WDR87: variants seen among roughly 807,000 people sequenced by gnomAD.
The protein encoded by WDR87 is WD repeat domain 87.
WDR87 carries 56 observed loss-of-function variants against 83.3 expected under a neutral mutation model. The ratio of observed to expected loss-of-function variants is 0.67; its 90% CI spans 0.54 to 0.84. WDR87 has a LOEUF of 0.84. Ranked by LOEUF, WDR87 falls within the 40% of genes least tolerant of loss-of-function variation. WDR87 has a pLI of 0.00. For missense variants in WDR87, 2,939 were observed against 3,431.9 expected, an observed-to-expected ratio of 0.86 and a Z score of 3.59; for synonymous variants, 1,173 against 1,250.6, an observed-to-expected ratio of 0.94 and a Z score of 1.31.
intron 1 of WDR87, among the ~76,000 whole-genome samples, chr19:37,901,761 T>G (rs746380332): frequency 7.9e-5 from 12 of 151,948 alleles, no homozygotes; most frequent in Non-Finnish European, 1.5e-4. Flanking sequence ...TTGCCCGGGC[T>G]GGAGTGCAGT....
intron 4 of WDR87, among the ~76,000 whole-genome samples, chr19:37,892,088 A>C (rs2046210407): frequency 6.6e-6 from 1 of 152,204 alleles, no homozygotes; most frequent in Non-Finnish European, 1.5e-5. Flanking sequence ...TAGGAAAAGC[A>C]ATGGAGAAAG....
At chr19:37,899,826 C>A (rs2046282966) in intron 1 of WDR87, among the ~76,000 whole-genome samples, 1 of 152,148 alleles carries the variant, frequency 6.6e-6, no homozygotes, top group Non-Finnish European at 1.5e-5. Context: ...ACTATGCTGT[C>A]CAGGCTGGTC....
In WDR87 at chr19:37,894,146, G is replaced by A; in HGVS notation, c.1557C>T (p.Gly519=). ...LSTLSGGIFG[G]QGNSLLCSYG... is the part of the protein sequence containing the mutation. ...AGGAACAGAGCAGAGAGTTTCCTTG[G>A]CCACCAAAAATCCCTCCAGACAGCG... The change falls in exon 4 of 6, where the codon GGC becomes GGT. Residue 519 remains glycine, a synonymous_variant. Transcript: ENST00000447313. 6.4e-7 allele frequency: 1 copy of A among 1,552,274 alleles called. No homozygotes were observed. The highest frequency in any genetic ancestry group is 8.7e-7 in the Non-Finnish European group (1 of 1,147,124).
At position 37,886,468 on chromosome 19, in the gene WDR87, T is replaced by G; in HGVS notation, c.7203A>C (p.Gly2401=). ...LQEQRRKSLR[G]RERVLSILRG... ...TTAAAATGGAAAGGACTCTTTCCCT[T>G]CCTCTTAGGCTCTTTCTTCTTTGTT... The change falls in exon 6 of 6, where the codon GGA becomes GGC. Residue 2401 remains glycine (G), a synonymous_variant. Transcript: ENST00000447313. 3 of 1,526,274 alleles carry G rather than the reference T, an allele frequency of 2.0e-6. No homozygotes were observed. Among genetic ancestry groups the G allele is most frequent in the Non-Finnish European group, 2.6e-6 (3 of 1,140,448 alleles). 94.5% of individuals were successfully genotyped at this position (1,526,274 alleles called of 1,614,324 possible).
intron 1 of WDR87, among the ~76,000 whole-genome samples, chr19:37,900,491 A>G (rs2046286383): frequency 6.8e-6 from 1 of 147,976 alleles, no homozygotes; most frequent in Admixed American, 6.9e-5. Context: ...AACATGGGAG[A>G]CAGAGGTTGC....
In WDR87 at chr19:37,885,945, C is replaced by T. The variant is rs1221713074; in HGVS notation, c.7726G>A (p.Ala2576Thr). ...CCATCCCTGGAAAGCTGTTCTCCCG[C>T]TTCCATTCGTTCTAGGACATGGCGG... Reference protein sequence around the residue: ...WIRHVLERMEAGEQLSRDGFH... With the variant: ...WIRHVLERMETGEQLSRDGFH... The change falls in exon 6 of 6, where the codon GCG (alanine) becomes ACG (threonine). Residue 2576 changes from alanine to threonine, a missense_variant. Coordinates refer to ENST00000447313, the MANE Select transcript of WDR87 (RefSeq NM_001291088.2). 1.3e-6 allele frequency: 2 copies of T among 1,552,132 alleles called. No individual in the cohort carries two copies. Among genetic ancestry groups the T allele is most frequent in the Non-Finnish European group, 1.7e-6 (2 of 1,147,128 alleles).
At chr19:37,890,403 T>G in intron 5 of WDR87, 127 bp from the exon 6 acceptor site, 1 of 1,008,434 alleles carries the variant, frequency 9.9e-7, no homozygotes, top group Non-Finnish European at 1.3e-6. Flanking sequence ...ACTGAGGCCT[T>G]AAAAAAAAAA....
rs1274316648 is a variant in WDR87, at chr19:37,889,957, G to A, written c.3714C>T (p.Ala1238=). 3 of 1,551,560 alleles carry A rather than the reference G, an allele frequency of 1.9e-6. No homozygotes were observed. In the Admixed American group the frequency reaches 5.9e-5, roughly 30 times the overall value. The change falls in exon 6 of 6, where the codon GCC becomes GCT. Residue 1238 remains alanine (A), a synonymous_variant. Transcript: ENST00000447313. ...KKKHKKKGKE[A]KVINEETTPP... The stretch of plus-strand genomic sequence containing the variant: ...GTGTAGTTTCCTCATTTATAACTTT[G>A]GCTTCTTTTCCCTTCTTTTTGTGCT...
At chr19:37,897,204 GT>G (rs397859251) in intron 2 of WDR87, among the ~76,000 whole-genome samples, 22 of 115,280 alleles carry the variant, frequency 1.9e-4, no homozygotes, top group Non-Finnish European at 2.2e-4. Context: ...CTGGGATCCT[GT>G]TTTTTTTTTT....
chr19:37,888,549 A>C lies in WDR87; in HGVS notation c.5122T>G (p.Trp1708Gly). The C allele has an allele frequency of 6.4e-7, 1 of 1,550,506 alleles. No individual in the cohort carries two copies. The highest frequency in any genetic ancestry group is 1.4e-5 in the African/African-American group (1 of 72,636). ...TCTTCTTCTCTAGCCACTTTCTCCC[A>C]TTTCTTGGCCAGTTTCTTCCTTTTC... ...AQKRKKLAKK[W>G]EKVAREEEKL... Residue 1708 changes from tryptophan to glycine, a missense_variant, in exon 6 of 6, where the codon TGG becomes GGG. Physicochemically the swap from Trp to Gly is radical, Grantham distance 184. This residue lies in a region of WDR87 where 2,160 missense variants were observed against 2,533.1 expected (regional missense o/e 0.85). Coordinates refer to ENST00000447313, the MANE Select transcript of WDR87 (RefSeq NM_001291088.2).
chr19:37,892,999 C>G lies in WDR87; in HGVS notation c.2704G>C (p.Asp902His). The change falls in exon 4 of 6, where the codon GAT (aspartate) becomes CAT (histidine). Residue 902 changes from aspartate (D) to histidine (H), a missense_variant. By Grantham distance (81) the Asp-to-His change is moderately conservative. Coordinates refer to ENST00000447313, the MANE Select transcript of WDR87 (RefSeq NM_001291088.2). The part of the protein sequence containing the change: ...SKDVTYSVLT[D>H]GANRSWLGRK... ...CCCAGCCAACTTCGGTTTGCTCCATCTGTAAGGACACTGTAGGTTACATCC... is the reference window on the plus strand; with the variant it reads ...CCCAGCCAACTTCGGTTTGCTCCATGTGTAAGGACACTGTAGGTTACATCC... 6.4e-7 allele frequency: 1 copy of G among 1,551,870 alleles called. No individual in the cohort carries two copies. Among genetic ancestry groups the G allele is most frequent in the African/African-American group, 1.4e-5 (1 of 73,164 alleles).
At position 37,887,102 on chromosome 19, in the gene WDR87, C is replaced by T; in HGVS notation, c.6569G>A (p.Arg2190Lys). Residue 2190 changes from arginine to lysine, a missense_variant, in exon 6 of 6, where the codon AGA becomes AAA. By Grantham distance (26) the Arg-to-Lys change is conservative. Transcript: ENST00000447313. ...RKQRKLANKMRRMINKEEKMT... is the reference protein window; with the variant it reads ...RKQRKLANKMKRMINKEEKMT... ...TTTTTCTTCTTTGTTTATCATTCTT[C>T]TCATTTTGTTGGCCAGTTTTCTCTG... 6.5e-7 allele frequency: 1 copy of T among 1,549,790 alleles called. No individual in the cohort carries two copies. The highest frequency in any genetic ancestry group is 1.2e-5 in the South Asian group (1 of 83,556).
At position 37,894,550 on chromosome 19, in the gene WDR87, C is replaced by T; in HGVS notation, c.1153G>A (p.Glu385Lys). Residue 385 changes from glutamate to lysine, a missense_variant, in exon 4 of 6, where the codon GAG (glutamate) becomes AAG (lysine). Physicochemically the swap from Glu to Lys is moderately conservative, Grantham distance 56 (BLOSUM62 1). This residue lies in a region of WDR87 where 553 missense variants were observed against 577.9 expected (regional missense o/e 0.96). Coordinates refer to ENST00000447313, the MANE Select transcript of WDR87 (RefSeq NM_001291088.2). ...NNWFRILCTT[E>K]DGLLRFVSPV... ...GACACAAAGCGCAACAAGCCATCCT[C>T]AGTGGTACACAGGATCCGGAACCAG... The T allele has an allele frequency of 6.4e-7, 1 of 1,551,728 alleles. No homozygotes were observed. Among genetic ancestry groups the T allele is most frequent in the Non-Finnish European group, 8.7e-7 (1 of 1,147,002 alleles).
At position 37,885,676 on chromosome 19, in the gene WDR87, T is replaced by A; in HGVS notation, c.7995A>T (p.Leu2665Phe). 2 of 1,551,808 alleles carry A rather than the reference T, an allele frequency of 1.3e-6. No individual in the cohort carries two copies. Among genetic ancestry groups the A allele is most frequent in the Non-Finnish European group, 1.7e-6 (2 of 1,147,014 alleles). The change falls in exon 6 of 6, where the codon TTA (leucine) becomes TTT (phenylalanine). Residue 2665 changes from leucine to phenylalanine, a missense_variant. Leu to Phe is a conservative substitution (Grantham distance 22). Coordinates refer to ENST00000447313, the MANE Select transcript of WDR87 (RefSeq NM_001291088.2). Reference sequence around the variant, plus strand: ...TTGGGTCTGGAATCCTCTTGGTAGCTAATGGGGACTTTTGTGTGGGGACAG... The same window carrying A: ...TTGGGTCTGGAATCCTCTTGGTAGCAAATGGGGACTTTTGTGTGGGGACAG... ...PLAVPTQKSP[L>F]ATKRIPDPRA...
At chr19:37,901,344 TG>T (rs1249773121) in intron 1 of WDR87, among the ~76,000 whole-genome samples, 2 of 152,106 alleles carry the variant, frequency 1.3e-5, no homozygotes, top group Non-Finnish European at 2.9e-5. Context: ...GGCAGAGAAT[TG>T]CTTTGAACCC....
rs1568453224 is a variant in WDR87 at position 37,893,281 on chromosome 19, A to G, written c.2422T>C (p.Tyr808His). The G allele has an allele frequency of 6.4e-7, 1 of 1,551,814 alleles. No homozygotes were observed. The highest frequency in any genetic ancestry group is 2.4e-5 in the East Asian group (1 of 40,924). The change falls in exon 4 of 6, where the codon TAC (tyrosine) becomes CAC (histidine). Residue 808 changes from tyrosine to histidine, a missense_variant. By Grantham distance (83) the Tyr-to-His change is moderately conservative. Transcript: ENST00000447313. Reference sequence around the variant, plus strand: ...CATTCCCGCCCATGACCAAAGTAGTATCGCAATATCTGATAGGGGTTGAGT... The same window carrying G: ...CATTCCCGCCCATGACCAAAGTAGTGTCGCAATATCTGATAGGGGTTGAGT... ...DGLNPYQILR[Y>H]YFGHGREWLF...
rs1342722733 is a variant in WDR87 at position 37,892,637 on chromosome 19, G to T, written c.3066C>A (p.Ile1022=). 2 of 1,546,406 alleles carry T rather than the reference G, an allele frequency of 1.3e-6. No homozygotes were observed. The highest frequency in any genetic ancestry group is 2.7e-5 in the African/African-American group (2 of 72,918). Residue 1022 remains isoleucine (I), a synonymous_variant, in exon 4 of 6, where the codon ATC becomes ATA. Transcript: ENST00000447313. The part of the protein sequence containing the change: ...KTLSLMAEIG[I]HSRTSLLQLT... Reference sequence around the variant, plus strand: ...GCTGTAAGAGTGAGGTCCTAGAGTGGATTCCAATCTCAGCCATGAGGCTTA... The same window carrying T: ...GCTGTAAGAGTGAGGTCCTAGAGTGTATTCCAATCTCAGCCATGAGGCTTA...
Position 37,886,378 on chromosome 19 carries a change from T to C in WDR87, c.7293A>G (p.Lys2431=), listed in dbSNP as rs760579093. 3 of 1,547,696 alleles carry C rather than the reference T, an allele frequency of 1.9e-6. No homozygotes were observed. The South Asian group carries it at 3.6e-5, about 19-fold the overall frequency. The part of the protein sequence containing the change: ...RLGVLKSPLK[K]LMSTALEMKE... Reference sequence around the variant, plus strand: ...TCATCTCCAGAGCTGTTGACATCAGTTTCTTCAAAGGGCTTTTTAGAACTC... The same window carrying C: ...TCATCTCCAGAGCTGTTGACATCAGCTTCTTCAAAGGGCTTTTTAGAACTC... Residue 2431 remains lysine (K), a synonymous_variant, in exon 6 of 6, where the codon AAA becomes AAG. Coordinates refer to ENST00000447313, the MANE Select transcript of WDR87 (RefSeq NM_001291088.2).
rs2145433715 is a variant in WDR87 at position 37,894,977 on chromosome 19, G to A, written c.726C>T (p.Ser242=). ...VKRFTSTSSG[S]SITCCFTCFD... ...AACAGGTGAAGCAGCAGGTGATGGA[G>A]GAGCCGCTGCTGGTGGACGTGAACC... The change falls in exon 4 of 6, where the codon TCC becomes TCT. Residue 242 remains serine (S), a synonymous_variant. Transcript: ENST00000447313. 11 of 1,537,836 alleles carry A rather than the reference G, an allele frequency of 7.2e-6. No homozygotes were observed. The highest frequency in any genetic ancestry group is 1.2e-5 in the South Asian group (1 of 83,734).
Sources: gnomAD v4.1 joint callset for allele counts (sites outside exome capture counted in the v4.1 genomes callset) on GRCh38, gnomAD v4.1.1 for gene constraint, gnomAD v4.1.1 regional missense constraint, MANE v1.5 for transcripts, NCBI Gene and HGNC (gene_info 2026-07-23, HGNC 2026-07-21) for gene names.